Variants in MRPL43 observed in about 807,000 individuals in gnomAD.
MRPL43 encodes the protein large ribosomal subunit protein mL43.
In MRPL43, 9 loss-of-function variants were observed where a neutral mutation model predicts 12.7. The ratio of observed to expected loss-of-function variants is 0.71; its 90% confidence interval spans 0.43 to 1.24. MRPL43 has a LOEUF of 1.24. Among genes scored for constraint, MRPL43 ranks in the 50% most tolerant of loss-of-function variants. The pLI, the probability that MRPL43 is intolerant of heterozygous loss-of-function variation, is 0.00. For missense variants in MRPL43, 211 were observed against 229.2 expected (o/e 0.92, Z 0.51); for synonymous variants, 116 against 96.4 (o/e 1.20, Z -1.19).
downstream of MRPL43, chr10:100,979,270 T>C (rs767264493): frequency 1.2e-6 from 2 of 1,614,026 alleles, no homozygotes; most frequent in Middle Eastern, 3.3e-4. Flanking sequence ...GAGCACACAG[T>C]GGTCAGTGCA....
At chr10:100,978,671 G>A (rs768132389), downstream of MRPL43, 4 of 1,593,360 alleles carry the variant, frequency 2.5e-6, no homozygotes, top group Non-Finnish European at 3.4e-6. Flanking sequence ...GATGATGGGG[G>A]GTAGGGGACT....
chr10:100,982,430 A>T (rs564952776), downstream of MRPL43, among the ~76,000 whole-genome samples: 1 of 152,258 alleles, frequency 6.6e-6, no homozygotes, highest in East Asian at 1.9e-4. Flanking sequence ...GCCAGGAGTC[A>T]TGGAAGGAGA....
chr10:100,979,267 C>A, downstream of MRPL43: 1 of 1,614,150 alleles, frequency 6.2e-7, no homozygotes, highest in Non-Finnish European at 8.5e-7. Flanking sequence ...GCTGAGCACA[C>A]AGTGGTCAGT....
chr10:100,978,874 C>T (rs772951663), downstream of MRPL43: 38 of 1,614,024 alleles, frequency 2.4e-5, no homozygotes, highest in Non-Finnish European at 3.0e-5. Flanking sequence ...TCTCCGTCCT[C>T]GTGCGGGAGA....
chr10:100,979,064 T>C (rs1321456762), downstream of MRPL43: 3 of 1,613,066 alleles, frequency 1.9e-6, no homozygotes, highest in African/African-American at 4.0e-5. Context: ...GCTGGACCTC[T>C]GACCCTGGCC....
At chr10:100,979,041 C>T (rs757892779), downstream of MRPL43, 4 of 1,613,248 alleles carry the variant, frequency 2.5e-6, no homozygotes, top group South Asian at 1.1e-5. Flanking sequence ...GACGTTGGGG[C>T]ACGGGTATAG....
At chr10:100,980,901 A>G (rs1328594140), downstream of MRPL43, 1 of 1,612,406 alleles carries the variant, frequency 6.2e-7, no homozygotes, top group Non-Finnish European at 8.5e-7. Flanking sequence ...TCCTGCTATG[A>G]CTGCATCTTG....
At chr10:100,978,625 A>G (rs1439657511), downstream of MRPL43, 20 of 1,613,524 alleles carry the variant, frequency 1.2e-5, no homozygotes, top group Admixed American at 6.7e-5. Context: ...GGAGACACCA[A>G]TGCATTGGCT....
At position 100,986,893 on chromosome 10, in the gene MRPL43, C is replaced by A. The variant is rs752472843; in HGVS notation, c.321G>T (p.Gln107His). 2 of 1,612,814 alleles carry A rather than the reference C, an allele frequency of 1.2e-6. No individual in the cohort carries two copies. Among genetic ancestry groups the A allele is most frequent in the South Asian group, 1.1e-5 (1 of 91,080 alleles). The change falls in exon 3 of 3, where the codon CAG (glutamine) becomes CAT (histidine). Residue 107 changes from glutamine to histidine, a missense_variant. Physicochemically the swap from Gln to His is conservative, Grantham distance 24. Transcript: ENST00000318364. ...ISTLVQKLAD[Q>H]SGLDVIRIRK... ...GGATGCGGATCACGTCCAAGCCCGA[C>A]TGGTCGGCCAGCTTCTGCACCAGCG... is the stretch of plus-strand genomic sequence containing the variant.
chr10:100,980,691 C>T, downstream of MRPL43: 1 of 1,612,046 alleles, frequency 6.2e-7, no homozygotes, highest in Non-Finnish European at 8.5e-7. Flanking sequence ...CTCTCTATTG[C>T]AGGTAGCCCT....
chr10:100,984,968 T>C, downstream of MRPL43: 1 of 1,397,796 alleles, frequency 7.2e-7, no homozygotes, highest in South Asian at 1.5e-5. Flanking sequence ...TGTGCTTACA[T>C]TTCCACTCAC....
downstream of MRPL43, chr10:100,980,989 G>A (rs754808483): frequency 1.3e-5 from 21 of 1,597,246 alleles, no homozygotes; most frequent in South Asian, 2.3e-5. Flanking sequence ...ACAGGTCCCA[G>A]GGAAGCAGGT....
At chr10:100,978,285 T>C (rs370060234), downstream of MRPL43, 1 of 1,608,802 alleles carries the variant, frequency 6.2e-7, no homozygotes, top group African/African-American at 1.3e-5. Context: ...GCTGGTTCCT[T>C]GTTCCCTAGG....
At chr10:100,980,237 G>A (rs371636173), downstream of MRPL43, 18 of 1,614,100 alleles carry the variant, frequency 1.1e-5, no homozygotes, top group Middle Eastern at 1.6e-4. Context: ...GTGCCCACAC[G>A]TGGACGGCCC....
At chr10:100,984,428 A>C, downstream of MRPL43, 2 of 1,487,064 alleles carry the variant, frequency 1.3e-6, no homozygotes, top group Non-Finnish European at 1.8e-6. Context: ...CTAAACACTT[A>C]TAGGTGAGGA....
downstream of MRPL43, chr10:100,981,105 C>G (rs1233850411): frequency 6.2e-7 from 1 of 1,609,352 alleles, no homozygotes; most frequent in African/African-American, 1.3e-5. Context: ...GACCTATCTA[C>G]CCTTTCACTG....
downstream of MRPL43, chr10:100,980,192 T>C: frequency 6.2e-7 from 1 of 1,614,250 alleles, no homozygotes; most frequent in Non-Finnish European, 8.5e-7. Context: ...GTCCTGGACT[T>C]TGTAAAGTTG....
chr10:100,981,912 G>T (rs111783512), downstream of MRPL43, among the ~76,000 whole-genome samples: 12,960 of 151,702 alleles, frequency 0.085, 658 homozygotes, highest in African/African-American at 0.13. Context: ...ACAAAAATTA[G>T]CCGGGTGTGG....
rs770449440 is a variant in MRPL43, at chr10:100,986,964, C to G, written c.250G>C (p.Val84Leu). ...TTGCAGTGGATGCTCTCCTCGCGCA[C>G]AGCCCCGTTAACTGGCAGAAGAGGG... ...RVVAEYLNGA[V>L]REESIHCKSV... The change falls in exon 3 of 3, where the codon GTG (valine) becomes CTG (leucine). Residue 84 changes from valine to leucine, a missense_variant. By Grantham distance (32) the Val-to-Leu change is conservative (BLOSUM62 1). Transcript: ENST00000318364. 3 of 1,606,564 alleles carry G rather than the reference C, an allele frequency of 1.9e-6. No homozygotes were observed. The African/African-American group carries it at 4.0e-5, about 21-fold the overall frequency.
Sources: gnomAD v4.1 joint callset for allele counts (sites outside exome capture counted in the v4.1 genomes callset) on GRCh38, gnomAD v4.1.1 for gene constraint, MANE v1.5 for transcripts, NCBI Gene and HGNC (gene_info 2026-07-23, HGNC 2026-07-21) for gene names.